The following TAOK3 variants were observed in gnomAD, a reference collection of about 807,000 sequenced individuals.
The protein encoded by TAOK3 is TAO kinase 3, also known as serine/threonine-protein kinase TAO3.
Under a neutral mutation model 120.4 loss-of-function variants are expected in TAOK3, and 40 were observed. The observed-to-expected ratio is 0.33, with a 90% CI of 0.26 to 0.43. The LOEUF (loss-of-function observed/expected upper bound fraction) is 0.43, where lower values mean the gene tolerates loss of function less well. Ranked by LOEUF, TAOK3 falls within the 20% of genes least tolerant of loss-of-function variation. The pLI is 1.00. For missense variants in TAOK3, 821 were observed against 1,112.1 expected (o/e 0.74, Z 3.72); for synonymous variants, 355 against 387.5 (o/e 0.92, Z 0.99).
intron 19 of TAOK3, among the ~76,000 whole-genome samples, chr12:118,154,016 G>T (rs1167587502): frequency 2.0e-5 from 3 of 152,126 alleles, no homozygotes; most frequent in Admixed American, 2.0e-4. Context: ...GGAATGAAGG[G>T]ATAAGAGACA....
At chr12:118,261,257 A>G (rs2140216050) in intron 2 of TAOK3, among the ~76,000 whole-genome samples, 1 of 152,328 alleles carries the variant, frequency 6.6e-6, no homozygotes, top group Non-Finnish European at 1.5e-5. Flanking sequence ...GACAGAAAAA[A>G]TTATTTGAGG....
intron 1 of TAOK3, among the ~76,000 whole-genome samples, chr12:118,280,210 G>A (rs539312368): frequency 1.2e-4 from 19 of 152,014 alleles, no homozygotes; most frequent in East Asian, 3.9e-4. Context: ...ACAGGCGTGC[G>A]CCACTACGCC....
At chr12:118,339,917 A>C (rs1212042961) in intron 1 of TAOK3, among the ~76,000 whole-genome samples, 3 of 152,200 alleles carry the variant, frequency 2.0e-5, no homozygotes, top group Admixed American at 6.5e-5. Flanking sequence ...TAAAAGTTTG[A>C]AATAATAAAC....
chr12:118,244,227 AGTTT>A (rs2040377252), intron 4 of TAOK3, among the ~76,000 whole-genome samples: 1 of 151,878 alleles, frequency 6.6e-6, no homozygotes, highest in Admixed American at 6.6e-5. Flanking sequence ...ACACCCAGCT[AGTTT>A]GTTTGATGTT....
At chr12:118,233,947 C>T (rs1351010856) in intron 8 of TAOK3, among the ~76,000 whole-genome samples, 182 bp from the exon 9 acceptor site, 4 of 152,136 alleles carry the variant, frequency 2.6e-5, no homozygotes, top group Non-Finnish European at 5.9e-5. Context: ...TGGTGATTTA[C>T]ATGACACAGT....
chr12:118,185,784 A>G (rs2037035336), intron 14 of TAOK3, among the ~76,000 whole-genome samples: 2 of 152,218 alleles, frequency 1.3e-5, no homozygotes, highest in Admixed American at 6.5e-5. Context: ...TCGTTCATTC[A>G]TTTATTCAAT....
intron 20 of TAOK3, among the ~76,000 whole-genome samples, chr12:118,151,979 G>C (rs550894554): frequency 6.6e-6 from 1 of 152,258 alleles, no homozygotes; most frequent in African/African-American, 2.4e-5. Context: ...CCTCTGGCTG[G>C]GAACGTTGAG....
intron 14 of TAOK3, among the ~76,000 whole-genome samples, chr12:118,182,621 A>AT (rs1255090106): frequency 0.04 from 3,927 of 98,556 alleles, 87 homozygotes; most frequent in Middle Eastern, 0.064. Flanking sequence ...ATATATATAT[A>AT]TATTTTTTTT....
At chr12:118,237,185 C>T (rs2040051243) in intron 7 of TAOK3, among the ~76,000 whole-genome samples, 1 of 152,062 alleles carries the variant, frequency 6.6e-6, no homozygotes. Context: ...TTTTGTGGTA[C>T]CAGTAAGTGG....
At position 118,184,950 on chromosome 12, in the gene TAOK3, A is replaced by C. The variant is rs150168296; in HGVS notation, c.1330-3343T>G. On this transcript the variant is annotated intron_variant, in intron 14 of 20. Transcript: ENST00000392533. ...ACTTTCTCATGTGAAAGTGCCTAGCAGGGTGTCTGACTCCTAGGAAATGCT... is the reference window on the plus strand; with the variant it reads ...ACTTTCTCATGTGAAAGTGCCTAGCCGGGTGTCTGACTCCTAGGAAATGCT... 2.4e-3 allele frequency among the ~76,000 whole-genome samples: 371 copies of C among 152,338 alleles called. 1 individual carries two copies. In the Middle Eastern group the frequency reaches 0.027, roughly 11 times the overall value.
intron 1 of TAOK3, among the ~76,000 whole-genome samples, chr12:118,284,698 G>A (rs946272333): frequency 1.3e-5 from 2 of 152,096 alleles, no homozygotes; most frequent in Non-Finnish European, 2.9e-5. Flanking sequence ...GGAGTCACTT[G>A]TGTAAGGTAG....
chr12:118,205,032 T>C (rs371103639), intron 11 of TAOK3, among the ~76,000 whole-genome samples: 2 of 152,090 alleles, frequency 1.3e-5, no homozygotes, highest in South Asian at 2.1e-4. Context: ...TAGCAGGGCA[T>C]GTTGGCACGT....
intron 14 of TAOK3, among the ~76,000 whole-genome samples, chr12:118,186,019 C>T (rs1251939393): frequency 6.6e-6 from 1 of 152,162 alleles, no homozygotes; most frequent in Non-Finnish European, 1.5e-5. Flanking sequence ...CTGAGGCTCT[C>T]ATATTTTTAT....
chr12:118,358,997 A>C (rs2045501785), intron 1 of TAOK3: 2 of 152,238 alleles, frequency 1.3e-5, no homozygotes, highest in African/African-American at 4.8e-5. Flanking sequence ...ATTTAGCTAC[A>C]ACAATCAATA....
intron 1 of TAOK3, among the ~76,000 whole-genome samples, chr12:118,300,434 CTG>C (rs1566085035): frequency 1.3e-5 from 2 of 152,150 alleles, no homozygotes; most frequent in African/African-American, 4.8e-5. Flanking sequence ...CTGACAGACT[CTG>C]TTTGTGTGGG....
intron 1 of TAOK3, among the ~76,000 whole-genome samples, chr12:118,307,343 A>G (rs913248529): frequency 6.6e-6 from 1 of 152,006 alleles, no homozygotes; most frequent in African/African-American, 2.4e-5. Flanking sequence ...CGGGAATTCA[A>G]TTATTTTTGT....
At position 118,162,009 on chromosome 12, in the gene TAOK3, T is replaced by C. The variant is rs750182893; in HGVS notation, c.1918A>G (p.Thr640Ala). ...ATGGCATGCTCCATCTCCTTCTGGGTCCTCTTTTTATTTAGTTCCTGCGTC... is the reference window on the plus strand; with the variant it reads ...ATGGCATGCTCCATCTCCTTCTGGGCCCTCTTTTTATTTAGTTCCTGCGTC... ...NIREELNKKR[T>A]QKEMEHAMLI... Residue 640 changes from threonine to alanine, a missense_variant, in exon 18 of 21, where the codon ACC (threonine) becomes GCC (alanine). Transcript: ENST00000392533. 1 of 1,613,512 alleles carries C rather than the reference T, an allele frequency of 6.2e-7. No homozygotes were observed. Among genetic ancestry groups the C allele is most frequent in the Admixed American group, 1.7e-5 (1 of 59,948 alleles).
intron 1 of TAOK3, among the ~76,000 whole-genome samples, chr12:118,343,247 G>A (rs2044703294): frequency 6.6e-6 from 1 of 151,938 alleles, no homozygotes; most frequent in Non-Finnish European, 1.5e-5. Context: ...GGCCAACATG[G>A]TGAAACCCTG....
At chr12:118,309,412 A>C (rs2043181922) in intron 1 of TAOK3, among the ~76,000 whole-genome samples, 1 of 152,034 alleles carries the variant, frequency 6.6e-6, no homozygotes, top group South Asian at 2.1e-4. Flanking sequence ...CAGATGTACA[A>C]ATGAGTTACA....
Sources: gnomAD v4.1 joint callset for allele counts (sites outside exome capture counted in the v4.1 genomes callset) on GRCh38, gnomAD v4.1.1 for gene constraint, MANE v1.5 for transcripts, NCBI Gene and HGNC (gene_info 2026-07-23, HGNC 2026-07-21) for gene names.